NBEA: variants seen among roughly 807,000 people sequenced by gnomAD.
NBEA encodes the protein neurobeachin, also known as lysosomal-trafficking regulator 2.
In NBEA, 44 loss-of-function variants were observed where a neutral mutation model predicts 343.4. That is an observed-to-expected ratio of 0.13 (90% CI 0.10 to 0.16). NBEA has a LOEUF of 0.16. Among genes scored for constraint, NBEA ranks in the 10% least tolerant of loss-of-function variants. The pLI is 1.00. For synonymous variants in NBEA, 1,175 were observed against 1,238.7 expected (o/e 0.95, Z 1.08); for missense variants, 2,555 against 3,631.3 (o/e 0.70, Z 7.62).
intron 41 of NBEA, among the ~76,000 whole-genome samples, chr13:35,507,118 C>T (rs1418371773): frequency 6.6e-6 from 1 of 152,110 alleles, no homozygotes; most frequent in African/African-American, 2.4e-5. Context: ...TTACAAAATC[C>T]ATAGGCCAAT....
chr13:35,379,783 T>C (rs182681348), intron 38 of NBEA, among the ~76,000 whole-genome samples: 1 of 152,000 alleles, frequency 6.6e-6, no homozygotes, highest in East Asian at 1.9e-4. Context: ...CTTACTGTAG[T>C]TAAGATGTTT....
intron 35 of NBEA, among the ~76,000 whole-genome samples, chr13:35,291,921 C>T (rs894940838): frequency 6.6e-6 from 1 of 151,962 alleles, no homozygotes; most frequent in Non-Finnish European, 1.5e-5. Flanking sequence ...GTTGTAAACA[C>T]ACCTCTCGAT....
At chr13:35,409,128 A>G (rs1398215233) in intron 38 of NBEA, among the ~76,000 whole-genome samples, 2 of 152,208 alleles carry the variant, frequency 1.3e-5, no homozygotes, top group East Asian at 3.8e-4. Flanking sequence ...GATAAAGAAA[A>G]TGTGGTACAT....
intron 52 of NBEA, among the ~76,000 whole-genome samples, chr13:35,650,485 A>T (rs1204782413): frequency 6.6e-6 from 1 of 152,114 alleles, no homozygotes; most frequent in Non-Finnish European, 1.5e-5. Flanking sequence ...ACATTTAGAC[A>T]TATTGCAGGA....
rs754246977 is a variant in NBEA, at chr13:35,593,278, G to A, written c.7177-50G>A. On this transcript the variant is annotated intron_variant, in intron 46 of 58. Transcript: ENST00000379939. ...TAGCCATGTTTCACAAAGGAACGAG[G>A]GCAGCTGTGTTTAGAGTGGTCAAAT... 23 of 1,596,674 alleles carry A rather than the reference G, an allele frequency of 1.4e-5. No individual in the cohort carries two copies. The East Asian group carries it at 4.7e-4, about 33-fold the overall frequency.
At chr13:35,160,962 TA>T (rs368047952) in intron 22 of NBEA, among the ~76,000 whole-genome samples, 51 of 152,330 alleles carry the variant, frequency 3.3e-4, no homozygotes, top group African/African-American at 1.0e-3. Context: ...CCATTAGGTT[TA>T]TACTATGAAG....
chr13:35,243,134 CTT>C (rs1298300943), intron 34 of NBEA, among the ~76,000 whole-genome samples: 1 of 151,752 alleles, frequency 6.6e-6, no homozygotes, highest in African/African-American at 2.4e-5. Context: ...AGTAACATAA[CTT>C]GTGCAGATGA....
chr13:35,173,913 C>T (rs1011901931), intron 27 of NBEA, among the ~76,000 whole-genome samples: 1 of 152,102 alleles, frequency 6.6e-6, no homozygotes, highest in South Asian at 2.1e-4. Flanking sequence ...GAATAATTCT[C>T]CTTTTAAATG....
At chr13:35,142,786 A>G (rs1453768499) in intron 18 of NBEA, among the ~76,000 whole-genome samples, 1 of 152,012 alleles carries the variant, frequency 6.6e-6, no homozygotes, top group African/African-American at 2.4e-5. Flanking sequence ...TGCTACTGGG[A>G]TAAATTTCGG....
chr13:35,506,497 T>G (rs2077077600), intron 41 of NBEA, among the ~76,000 whole-genome samples: 1 of 152,180 alleles, frequency 6.6e-6, no homozygotes, highest in African/African-American at 2.4e-5. Flanking sequence ...AATGTATTGA[T>G]TCAGCAAGAG....
chr13:35,492,957 A>C (rs1189268835), intron 41 of NBEA, among the ~76,000 whole-genome samples: 2 of 151,988 alleles, frequency 1.3e-5, no homozygotes, highest in Non-Finnish European at 2.9e-5. Context: ...AGTGACTGAG[A>C]TAGCTTAAAC....
chr13:35,556,912 G>T (rs1035434733), intron 44 of NBEA, among the ~76,000 whole-genome samples: 2 of 151,936 alleles, frequency 1.3e-5, no homozygotes, highest in Non-Finnish European at 2.9e-5. Context: ...CTGATTTTTC[G>T]GGATGATATT....
At chr13:35,329,847 C>CTTA (rs1476370310) in intron 36 of NBEA, among the ~76,000 whole-genome samples, 3 of 133,424 alleles carry the variant, frequency 2.2e-5, no homozygotes, top group Non-Finnish European at 5.0e-5. Context: ...CATTTCATTA[C>CTTA]TTATAAAGTT....
chr13:35,473,159 A>G (rs1411524659), intron 41 of NBEA, among the ~76,000 whole-genome samples: 1 of 152,196 alleles, frequency 6.6e-6, no homozygotes, highest in Non-Finnish European at 1.5e-5. Context: ...ATTTAAATGC[A>G]TATTTATTAA....
intron 8 of NBEA, among the ~76,000 whole-genome samples, chr13:35,067,176 A>C (rs1332857186): frequency 6.6e-6 from 1 of 152,164 alleles, no homozygotes; most frequent in Non-Finnish European, 1.5e-5. Context: ...AGCTGAGAGA[A>C]GAAAGATACA....
chr13:34,992,257 TATA>T (rs1156588620), intron 1 of NBEA, among the ~76,000 whole-genome samples: 61 of 136,584 alleles, frequency 4.5e-4, no homozygotes, highest in African/African-American at 1.6e-3. Flanking sequence ...TATATATATA[TATA>T]TATTTTTTTT....
At chr13:35,303,565 A>C (rs1387639121) in intron 35 of NBEA, among the ~76,000 whole-genome samples, 3 of 152,194 alleles carry the variant, frequency 2.0e-5, no homozygotes, top group Admixed American at 1.3e-4. Context: ...CATGAATAAT[A>C]AATGGACTAT....
intron 1 of NBEA, among the ~76,000 whole-genome samples, chr13:34,987,797 C>G (rs2060607765): frequency 6.6e-6 from 1 of 151,140 alleles, no homozygotes; most frequent in South Asian, 2.1e-4. Flanking sequence ...GCTATTGAAG[C>G]TTGTGCATGC....
chr13:35,092,577 A>C (rs1158682775), intron 10 of NBEA, among the ~76,000 whole-genome samples: 1 of 152,018 alleles, frequency 6.6e-6, no homozygotes, highest in Non-Finnish European at 1.5e-5. Flanking sequence ...TACCAAAGAG[A>C]ATATAAGGAT....
Sources: gnomAD v4.1 joint callset for allele counts (sites outside exome capture counted in the v4.1 genomes callset) on GRCh38, gnomAD v4.1.1 for gene constraint, MANE v1.5 for transcripts, NCBI Gene and HGNC (gene_info 2026-07-23, HGNC 2026-07-21) for gene names.